Variants in CNTNAP2 observed in about 807,000 individuals in gnomAD.
The protein encoded by CNTNAP2 is contactin-associated protein-like 2.
Under a neutral mutation model 155.2 loss-of-function variants are expected in CNTNAP2, and 98 were observed. The ratio of observed to expected loss-of-function variants is 0.63; its 90% confidence interval spans 0.54 to 0.75. CNTNAP2 has a LOEUF of 0.75. Among genes scored for constraint, CNTNAP2 ranks in the 30% least tolerant of loss-of-function variants. The probability of loss-of-function intolerance (pLI) is 0.00; values close to 1 mark genes in which losing one functional copy is unlikely to be tolerated. For synonymous variants in CNTNAP2, 651 were observed against 631.2 expected, an observed-to-expected ratio of 1.03 and a Z score of -0.47; for missense variants, 1,727 against 1,688.1, an observed-to-expected ratio of 1.02 and a Z score of -0.40.
At chr7:146,885,961 GTGTGTGTGT>G in intron 3 of CNTNAP2, among the ~76,000 whole-genome samples, 1 of 149,614 alleles carries the variant, frequency 6.7e-6, no homozygotes, top group Admixed American at 6.6e-5. Flanking sequence ...GTGTGTGTGT[GTGTGTGTGT>G]GTGTATGTGC....
chr7:147,539,417 T>C (rs532324637), intron 11 of CNTNAP2, among the ~76,000 whole-genome samples: 3 of 151,964 alleles, frequency 2.0e-5, no homozygotes, highest in African/African-American at 4.8e-5. Context: ...AACAGAAGAG[T>C]CATCCAGAGC....
At chr7:146,866,011 T>G (rs1562978883) in intron 3 of CNTNAP2, among the ~76,000 whole-genome samples, 1 of 152,146 alleles carries the variant, frequency 6.6e-6, no homozygotes, top group African/African-American at 2.4e-5. Context: ...TCACATATAT[T>G]ATTCTCAGAA....
intron 10 of CNTNAP2, among the ~76,000 whole-genome samples, chr7:147,435,301 A>AG (rs1797532398): frequency 6.6e-6 from 1 of 152,182 alleles, no homozygotes; most frequent in African/African-American, 2.4e-5. Flanking sequence ...CCATCACAGC[A>AG]GCAGAGGTAA....
At chr7:146,836,686 A>C (rs1010704157) in intron 2 of CNTNAP2, among the ~76,000 whole-genome samples, 8 of 152,104 alleles carry the variant, frequency 5.3e-5, no homozygotes, top group Admixed American at 2.0e-4. Context: ...CAAATATTTT[A>C]TATGTACTTA....
intron 2 of CNTNAP2, among the ~76,000 whole-genome samples, chr7:146,788,716 A>G (rs1272349768): frequency 6.6e-6 from 1 of 152,180 alleles, no homozygotes; most frequent in Non-Finnish European, 1.5e-5. Context: ...CAGCATTAAC[A>G]TGTTTAAGCT....
chr7:146,421,766 T>G (rs950015325), intron 1 of CNTNAP2, among the ~76,000 whole-genome samples: 1 of 151,878 alleles, frequency 6.6e-6, no homozygotes, highest in African/African-American at 2.4e-5. Flanking sequence ...ATATACTGAG[T>G]CTTCTTTCTA....
intron 3 of CNTNAP2, among the ~76,000 whole-genome samples, chr7:146,898,779 C>T (rs535768062): frequency 2.0e-5 from 3 of 151,724 alleles, no homozygotes; most frequent in African/African-American, 7.2e-5. Context: ...TGAGTACATG[C>T]AATGAAAAAA....
At chr7:147,029,572 A>G (rs1798988745) in intron 3 of CNTNAP2, among the ~76,000 whole-genome samples, 1 of 152,074 alleles carries the variant, frequency 6.6e-6, no homozygotes, top group Admixed American at 6.6e-5. Context: ...CTTCCCAGGA[A>G]AGATGAAATC....
intron 9 of CNTNAP2, among the ~76,000 whole-genome samples, chr7:147,368,840 A>C (rs1796290686): frequency 6.6e-6 from 1 of 152,248 alleles, no homozygotes; most frequent in Non-Finnish European, 1.5e-5. Flanking sequence ...CAGTGTAATT[A>C]AAAACAATTA....
At chr7:148,390,779 C>T (rs1483347507) in intron 22 of CNTNAP2, among the ~76,000 whole-genome samples, 3 of 152,190 alleles carry the variant, frequency 2.0e-5, no homozygotes, top group Non-Finnish European at 2.9e-5. Flanking sequence ...ATCTGTAACA[C>T]TACTGTTACA....
At chr7:147,757,977 GAT>G (rs1797237809) in intron 13 of CNTNAP2, among the ~76,000 whole-genome samples, 2 of 152,158 alleles carry the variant, frequency 1.3e-5, no homozygotes, top group Non-Finnish European at 1.5e-5. Flanking sequence ...ACTCTGGAAA[GAT>G]AGATTTGCTT....
intron 10 of CNTNAP2, among the ~76,000 whole-genome samples, chr7:147,480,831 C>T (rs1002464140): frequency 6.6e-6 from 1 of 152,068 alleles, no homozygotes; most frequent in Admixed American, 6.5e-5. Flanking sequence ...GTTCTCTGCC[C>T]GACCACATGA....
intron 1 of CNTNAP2, among the ~76,000 whole-genome samples, chr7:146,376,428 A>G (rs914505104): frequency 6.6e-6 from 1 of 152,158 alleles, no homozygotes; most frequent in Non-Finnish European, 1.5e-5. Flanking sequence ...TCTCATCGAA[A>G]GCAAACACAT....
At chr7:146,535,673 C>T (rs373917849) in intron 1 of CNTNAP2, among the ~76,000 whole-genome samples, 9 of 151,034 alleles carry the variant, frequency 6.0e-5, no homozygotes, top group East Asian at 3.9e-4. Flanking sequence ...AAGAGTATAT[C>T]GTGTGATGCT....
At chr7:146,371,665 T>C (rs1221267888) in intron 1 of CNTNAP2, among the ~76,000 whole-genome samples, 1 of 152,012 alleles carries the variant, frequency 6.6e-6, no homozygotes, top group Non-Finnish European at 1.5e-5. Flanking sequence ...TAAAAATATT[T>C]TGCCAGCTGG....
intron 2 of CNTNAP2, among the ~76,000 whole-genome samples, chr7:146,796,796 G>A (rs187475363): frequency 6.6e-6 from 1 of 151,948 alleles, no homozygotes; most frequent in African/African-American, 2.4e-5. Context: ...GTTAATACAT[G>A]TAATGCATTT....
At chr7:147,545,951 C>T (rs1241543904) in intron 11 of CNTNAP2, among the ~76,000 whole-genome samples, 1 of 152,116 alleles carries the variant, frequency 6.6e-6, no homozygotes, top group Non-Finnish European at 1.5e-5. Flanking sequence ...TCCCCTTTCA[C>T]TTGGGTCTCA....
chr7:146,234,556 G>A lies in CNTNAP2; in HGVS notation c.97+117583G>A, dbSNP rs527651926. On this transcript the variant is annotated intron_variant, in intron 1 of 23. Transcript: ENST00000361727. ...CTTGCCCATGCCTGTGTCCTGAATGGTAATGCCTAGGTTTTCTTCTAGGGT... is the reference window on the plus strand; with the variant it reads ...CTTGCCCATGCCTGTGTCCTGAATGATAATGCCTAGGTTTTCTTCTAGGGT... Among the ~76,000 whole-genome samples the A allele has an allele frequency of 9.9e-5, 15 of 150,992 alleles. No homozygotes were observed. In the South Asian group the frequency reaches 1.9e-3, roughly 19 times the overall value.
At chr7:147,421,382 A>G (rs1376391308) in intron 10 of CNTNAP2, among the ~76,000 whole-genome samples, 8 of 152,138 alleles carry the variant, frequency 5.3e-5, no homozygotes, top group Non-Finnish European at 8.8e-5. Flanking sequence ...GTTTCTTTCC[A>G]TGTAGAAATG....
Sources: gnomAD v4.1 joint callset for allele counts (sites outside exome capture counted in the v4.1 genomes callset) on GRCh38, gnomAD v4.1.1 for gene constraint, MANE v1.5 for transcripts, NCBI Gene and HGNC (gene_info 2026-07-23, HGNC 2026-07-21) for gene names.